SETD1B: variants seen among roughly 807,000 people sequenced by gnomAD.
The protein encoded by SETD1B is SET domain containing 1B, histone lysine methyltransferase.
Under a neutral mutation model 148.0 loss-of-function variants are expected in SETD1B, and 7 were observed. The observed-to-expected ratio is 0.05, with a 90% CI of 0.03 to 0.09. The LOEUF (loss-of-function observed/expected upper bound fraction) is 0.09. Ranked by LOEUF, SETD1B falls within the 10% of genes least tolerant of loss-of-function variation. The pLI is 1.00. For missense variants in SETD1B, 2,155 were observed against 2,729.9 expected (o/e 0.79, Z 4.69); for synonymous variants, 1,361 against 1,186.5 (o/e 1.15, Z -3.02).
At chr12:121,823,802 G>C in intron 12 of SETD1B, 53 bp downstream of exon 12, 1 of 1,493,288 alleles carries the variant, frequency 6.7e-7, no homozygotes, top group Admixed American at 2.1e-5. Flanking sequence ...GGAAGTCCCT[G>C]CTCACCTCTC....
At position 121,830,243 on chromosome 12, in the gene SETD1B, C is replaced by T; in HGVS notation, c.*4C>T. ...CTGCCGGGGGACCCTCAACTAGGCC[C>T]CGGCACCAGACTCAAAGGATGTCAG... On this transcript the variant is annotated 3_prime_UTR_variant, in exon 17 of 17. Coordinates refer to ENST00000604567, the MANE Select transcript of SETD1B (RefSeq NM_001353345.2). The surrounding 1 kb of genome is among the most constrained non-coding windows in gnomAD (Gnocchi z 5.7). The T allele has an allele frequency of 6.5e-7, 1 of 1,549,368 alleles. No individual in the cohort carries two copies. Among genetic ancestry groups the T allele is most frequent in the Non-Finnish European group, 8.7e-7 (1 of 1,146,376 alleles).
rs775818082 is a variant in SETD1B at position 121,804,934 on chromosome 12, C to CA, written c.174+24dup. On this transcript the variant is annotated intron_variant, in intron 2 of 16. Coordinates refer to ENST00000604567, the MANE Select transcript of SETD1B (RefSeq NM_001353345.2). This position sits in a 1 kb window ranked among gnomAD's most constrained non-coding sequence, Gnocchi z 4.6. ...GCGGTGAGTAGCCGGCGCGCCCCCC[C>CA]AGCCGTGCCCCGCGTCGTGTCCGGG... 434 of 1,479,978 alleles carry CA rather than the reference C, an allele frequency of 2.9e-4. No individual in the cohort carries two copies. The highest frequency in any genetic ancestry group is 3.6e-4 in the Non-Finnish European group (403 of 1,112,112). The allele number at this position is 1,479,978 out of a possible 1,614,324, so 91.7% of individuals were successfully genotyped here.
In SETD1B at chr12:121,805,346, AG is replaced by A; in HGVS notation, c.273+134del. On this transcript the variant is annotated intron_variant, in intron 3 of 16. Coordinates refer to ENST00000604567, the MANE Select transcript of SETD1B (RefSeq NM_001353345.2). The surrounding 1 kb of genome is among the most constrained non-coding windows in gnomAD (Gnocchi z 4.2). ...CGGGGCCAGGGAAGTTTTGGCGGGG[AG>A]GGGTAGAGCGCTGGCGAGAGGGTGT... The A allele has an allele frequency of 4.0e-6, 3 of 746,600 alleles. No individual in the cohort carries two copies. The South Asian group carries it at 5.1e-5, about 13-fold the overall frequency. 46.2% of individuals were successfully genotyped at this position (746,600 alleles called of 1,614,324 possible).
Position 121,830,010 on chromosome 12 carries a change from G to A in SETD1B, c.5728-56G>A. On this transcript the variant is annotated intron_variant, in intron 16 of 16. Coordinates refer to ENST00000604567, the MANE Select transcript of SETD1B (RefSeq NM_001353345.2). This position sits in a 1 kb window ranked among gnomAD's most constrained non-coding sequence, Gnocchi z 5.7. ...CCTGGTTGGGTTTGGGGGGTCTGCA[G>A]TGGTGGGGGACCCTGGGGGACCAGG... 1 of 1,507,804 alleles carries A rather than the reference G, an allele frequency of 6.6e-7. No homozygotes were observed. Among genetic ancestry groups the A allele is most frequent in the Non-Finnish European group, 8.9e-7 (1 of 1,118,326 alleles). 93.4% of individuals were successfully genotyped at this position (1,507,804 alleles called of 1,614,324 possible). A position where few individuals can be genotyped will look rare whatever the true frequency, so the allele number is the denominator to read the frequency against.
chr12:121,827,885 G>C (rs759376324), intron 15 of SETD1B, 31 bp downstream of exon 15: 9 of 1,552,778 alleles, frequency 5.8e-6, no homozygotes, highest in African/African-American at 1.4e-5. Context: ...TGGGCACCGG[G>C]GTGGGCATGG....
intron 16 of SETD1B, among the ~76,000 whole-genome samples, chr12:121,829,652 A>G (rs1472343163): frequency 6.6e-6 from 1 of 152,216 alleles, no homozygotes; most frequent in African/African-American, 2.4e-5. Context: ...GAACTTGGCT[A>G]TTGTAACAAA....
rs774768343 is a variant in SETD1B, at chr12:121,805,222, A to G, written c.273+6A>G. 1.1e-5 allele frequency: 17 copies of G among 1,546,188 alleles called. No homozygotes were observed. Among genetic ancestry groups the G allele is most frequent in the African/African-American group, 4.1e-5 (3 of 72,636 alleles). On this transcript the variant is annotated splice_donor_region_variant and intron_variant, in intron 3 of 16. Coordinates refer to ENST00000604567, the MANE Select transcript of SETD1B (RefSeq NM_001353345.2). This position sits in a 1 kb window ranked among gnomAD's most constrained non-coding sequence, Gnocchi z 4.2. The stretch of plus-strand genomic sequence containing the variant: ...TGTCGGTGCCCAAATTCAAGGTAGG[A>G]CCCCTCCCCACTGCCCCGCCGTCCC...
In SETD1B at chr12:121,810,392, C is replaced by T; in HGVS notation, c.1447C>T (p.Pro483Ser). ...SPEPCDSPGTPTLESSPAGPE... is the reference protein window; with the variant it reads ...SPEPCDSPGTSTLESSPAGPE... ...TGAGCCCTGTGACAGCCCTGGCACG[C>T]CCACGCTGGAGTCGTCCCCTGCAGG... The change falls in exon 6 of 17, where the codon CCC becomes TCC. Residue 483 changes from proline to serine, a missense_variant. Coordinates refer to ENST00000604567, the MANE Select transcript of SETD1B (RefSeq NM_001353345.2). This position sits in a 1 kb window ranked among gnomAD's most constrained non-coding sequence, Gnocchi z 7.6. The T allele has an allele frequency of 1.3e-6, 2 of 1,548,732 alleles. No homozygotes were observed. Among genetic ancestry groups the T allele is most frequent in the Non-Finnish European group, 1.7e-6 (2 of 1,146,906 alleles).
At chr12:121,827,078 C>G (rs1876876592) in intron 13 of SETD1B, among the ~76,000 whole-genome samples, 1 of 152,034 alleles carries the variant, frequency 6.6e-6, no homozygotes, top group Non-Finnish European at 1.5e-5. Context: ...GCAGGGTGAC[C>G]TCACCTGGGA....
rs1262056632 is a variant in SETD1B at position 121,826,418 on chromosome 12, C to T, written c.5337+1052C>T. ...AGACTACAGAGAAGTGAAAAAGCGA[C>T]TTCCATAAAAAGTTAAAACCAGAGA... On this transcript the variant is annotated intron_variant, in intron 13 of 16. Coordinates refer to ENST00000604567, the MANE Select transcript of SETD1B (RefSeq NM_001353345.2). Among the ~76,000 whole-genome samples the T allele has an allele frequency of 2.6e-5, 4 of 152,252 alleles. No individual in the cohort carries two copies. The East Asian group carries it at 7.7e-4, about 29-fold the overall frequency.
chr12:121,810,015 T>A lies in SETD1B; in HGVS notation c.1070T>A (p.Val357Asp). The A allele has an allele frequency of 6.4e-7, 1 of 1,550,446 alleles. No homozygotes were observed. The highest frequency in any genetic ancestry group is 8.7e-7 in the Non-Finnish European group (1 of 1,146,912). Reference sequence around the variant, plus strand: ...TCCTCGGACCTCCCGTTCGGAGCAGTCGGCGGCACTGGGGGCAGCAGCGGT... The same window carrying A: ...TCCTCGGACCTCCCGTTCGGAGCAGACGGCGGCACTGGGGGCAGCAGCGGT... ...RGSSDLPFGA[V>D]GGTGGSSGPP... Residue 357 changes from valine to aspartate, a missense_variant, in exon 6 of 17, where the codon GTC becomes GAC. Transcript: ENST00000604567. This position sits in a 1 kb window ranked among gnomAD's most constrained non-coding sequence, Gnocchi z 7.6.
intron 6 of SETD1B, among the ~76,000 whole-genome samples, chr12:121,811,414 T>C (rs951659899): frequency 3.1e-5 from 4 of 127,896 alleles, no homozygotes; most frequent in African/African-American, 1.2e-4. Context: ...GCTCCAGGGA[T>C]GAAGGAGTTA....
Position 121,817,403 on chromosome 12 carries a change from A to T in SETD1B, c.3011A>T (p.Asp1004Val). Residue 1004 changes from aspartate (D) to valine (V), a missense_variant, in exon 9 of 17, where the codon GAC becomes GTC. This residue lies in a region of SETD1B where 289 missense variants were observed against 423.7 expected (regional missense o/e 0.68). Transcript: ENST00000604567. This position sits in a 1 kb window ranked among gnomAD's most constrained non-coding sequence, Gnocchi z 8.1. ...SERERDRDMA[D>V]TPCELAKRDP... The stretch of plus-strand genomic sequence containing the variant: ...CGAGAGCGAGACCGGGATATGGCAG[A>T]CACCCCCTGTGAGCTCGCCAAGCGG... 1 of 1,531,960 alleles carries T rather than the reference A, an allele frequency of 6.5e-7. No individual in the cohort carries two copies. Among genetic ancestry groups the T allele is most frequent in the Non-Finnish European group, 8.8e-7 (1 of 1,134,262 alleles). 94.9% of individuals were successfully genotyped at this position (1,531,960 alleles called of 1,614,324 possible). A position where few individuals can be genotyped will look rare whatever the true frequency, so the allele number is the denominator to read the frequency against.
In SETD1B at chr12:121,814,291, C is replaced by G. The variant is rs1368043466; in HGVS notation, c.2076C>G (p.Pro692=). 4.8e-6 allele frequency: 5 copies of G among 1,047,450 alleles called. No homozygotes were observed. Among genetic ancestry groups the G allele is most frequent in the Non-Finnish European group, 3.8e-6 (3 of 783,198 alleles). The allele number at this position is 1,047,450 out of a possible 1,614,324, so 64.9% of individuals were successfully genotyped here. A position where few individuals can be genotyped will look rare whatever the true frequency, so the allele number is the denominator to read the frequency against. ...PPPPGFPPLP[P]PPPPPPPQPG... is the part of the protein sequence containing the mutation. ...CACCTGGCTTCCCCCCGCTGCCCCCCCCACCACCACCACCCCCACCGCAGC... is the reference window on the plus strand; with the variant it reads ...CACCTGGCTTCCCCCCGCTGCCCCCGCCACCACCACCACCCCCACCGCAGC... Residue 692 remains proline (P), a synonymous_variant, in exon 7 of 17, where the codon CCC becomes CCG. Coordinates refer to ENST00000604567, the MANE Select transcript of SETD1B (RefSeq NM_001353345.2).
At chr12:121,824,640 C>G (rs1472002361) in intron 12 of SETD1B, among the ~76,000 whole-genome samples, 2 of 151,064 alleles carry the variant, frequency 1.3e-5, no homozygotes, top group East Asian at 1.9e-4. Flanking sequence ...GAACAAGACT[C>G]TGTCTCAAAA....
chr12:121,806,697 C>T (rs566589976), intron 4 of SETD1B, among the ~76,000 whole-genome samples: 3 of 152,160 alleles, frequency 2.0e-5, no homozygotes, highest in East Asian at 1.9e-4. Flanking sequence ...GCCAGGCAGG[C>T]GGCTCTGGGT....
At chr12:121,815,823 C>CTTTTTTTTTTTTTTTTT (rs994063316) in intron 7 of SETD1B, among the ~76,000 whole-genome samples, 9 of 118,166 alleles carry the variant, frequency 7.6e-5, no homozygotes, top group Non-Finnish European at 8.9e-5. Context: ...TCTTTTCTTT[C>CTTTTTTTTTTTTTTTTT]TTTTTTTTTT....
upstream of SETD1B, chr12:121,802,868 G>A (rs981830475): frequency 1.3e-5 from 2 of 152,200 alleles, no homozygotes; most frequent in Admixed American, 6.5e-5. Flanking sequence ...TGCAACAAAG[G>A]AAAAACCCAC....
intron 10 of SETD1B, among the ~76,000 whole-genome samples, chr12:121,818,717 C>A (rs570634088): frequency 5.9e-5 from 9 of 151,568 alleles, no homozygotes; most frequent in Non-Finnish European, 1.0e-4. Flanking sequence ...GGTGAAACCC[C>A]GTCTCTAATA....
Sources: allele counts gnomAD v4.1 joint callset (sites outside exome capture counted in the v4.1 genomes callset), GRCh38; gene constraint gnomAD v4.1.1; regional missense constraint gnomAD v4.1.1; non-coding constraint Gnocchi (gnomAD v3.1); transcripts MANE v1.5; gene names NCBI Gene and HGNC (gene_info 2026-07-23, HGNC 2026-07-21).